The following NFATC3 variants were observed in gnomAD, a reference collection of about 807,000 sequenced individuals.
NFATC3 encodes the protein nuclear factor of activated T-cells, cytoplasmic 3.
In NFATC3, 46 loss-of-function variants were observed where a neutral mutation model predicts 98.6. The ratio of observed to expected loss-of-function variants is 0.47; its 90% CI spans 0.37 to 0.60. The LOEUF is 0.60. Ranked by LOEUF, NFATC3 falls within the 20% of genes least tolerant of loss-of-function variation. The pLI is 0.00. For missense variants in NFATC3, 1,256 were observed against 1,295.5 expected (o/e 0.97, Z 0.47); for synonymous variants, 512 against 472.2 (o/e 1.08, Z -1.09).
At position 68,123,121 on chromosome 16, in the gene NFATC3, G is replaced by A. The variant is rs1161855429; in HGVS notation, c.1238G>A (p.Arg413His). 4 of 1,590,468 alleles carry A rather than the reference G, an allele frequency of 2.5e-6. No individual in the cohort carries two copies. Among genetic ancestry groups the A allele is most frequent in the African/African-American group, 1.3e-5 (1 of 74,204 alleles). Residue 413 changes from arginine to histidine, a missense_variant and splice_region_variant, in exon 2 of 10, where the codon CGC becomes CAC. Coordinates refer to ENST00000346183, the MANE Select transcript of NFATC3 (RefSeq NM_173165.3). ...KPKPGHTPIF[R>H]TSSLPPLDWP... Reference sequence around the variant, plus strand: ...AAGCCTGGCCACACCCCTATATTTCGGTGAGTTGATGGAAATGGCTGCTGG... The same window carrying A: ...AAGCCTGGCCACACCCCTATATTTCAGTGAGTTGATGGAAATGGCTGCTGG...
chr16:68,114,538 G>C (rs1184208025), intron 1 of NFATC3, among the ~76,000 whole-genome samples: 1 of 151,000 alleles, frequency 6.6e-6, no homozygotes, highest in Non-Finnish European at 1.5e-5. Context: ...GCAGATGTTG[G>C]TAACATCTGG....
chr16:68,141,981 A>T (rs1470040461), intron 3 of NFATC3, among the ~76,000 whole-genome samples: 1 of 152,092 alleles, frequency 6.6e-6, no homozygotes, highest in African/African-American at 2.4e-5. Context: ...TGATTTTTAT[A>T]TGTGGTGAGA....
chr16:68,167,807 GTTCTTT>G (rs2039268900), intron 5 of NFATC3, among the ~76,000 whole-genome samples: 1 of 23,588 alleles, frequency 4.2e-5, no homozygotes, highest in Admixed American at 6.1e-4. Flanking sequence ...AACCGTATGT[GTTCTTT>G]TTTTTTTTTT....
intron 1 of NFATC3, among the ~76,000 whole-genome samples, chr16:68,110,293 C>T (rs2035874012): frequency 1.3e-5 from 2 of 151,610 alleles, no homozygotes; most frequent in South Asian, 4.2e-4. Flanking sequence ...GTGTGAGCCA[C>T]CGTGCCTGGC....
chr16:68,169,676 C>T (rs2039368947), intron 5 of NFATC3, among the ~76,000 whole-genome samples: 2 of 151,658 alleles, frequency 1.3e-5, no homozygotes, highest in African/African-American at 2.4e-5. Context: ...CGCCGTGGCT[C>T]ATAACTGTAA....
intron 9 of NFATC3, chr16:68,225,189 T>C (rs1289330496): frequency 1.3e-5 from 2 of 152,156 alleles, no homozygotes; most frequent in Admixed American, 1.3e-4. Flanking sequence ...CGACCTCAGG[T>C]GATCCGCCTG....
chr16:68,203,821 TG>T (rs2041028116), intron 9 of NFATC3, among the ~76,000 whole-genome samples: 1 of 151,822 alleles, frequency 6.6e-6, no homozygotes, highest in Non-Finnish European at 1.5e-5. Context: ...AAGACCGAGA[TG>T]GGAGGATCAT....
At chr16:68,147,062 T>C (rs2038074651) in intron 3 of NFATC3, among the ~76,000 whole-genome samples, 1 of 152,232 alleles carries the variant, frequency 6.6e-6, no homozygotes, top group Non-Finnish European at 1.5e-5. Context: ...GGTCAAAATA[T>C]GTGTTATGAA....
chr16:68,155,951 G>A (rs1329985043), intron 3 of NFATC3, among the ~76,000 whole-genome samples: 2 of 152,118 alleles, frequency 1.3e-5, no homozygotes, highest in East Asian at 3.8e-4. Context: ...ATTACCTTGA[G>A]GAAAAGGTGG....
intron 6 of NFATC3, among the ~76,000 whole-genome samples, chr16:68,179,109 A>C (rs1299571235): frequency 3.9e-5 from 6 of 152,090 alleles, no homozygotes; most frequent in Admixed American, 2.6e-4. Flanking sequence ...TCTTCTGTCT[A>C]TAATTACCCT....
intron 1 of NFATC3, among the ~76,000 whole-genome samples, chr16:68,089,837 T>G (rs546065066): frequency 6.6e-6 from 1 of 152,280 alleles, no homozygotes; most frequent in African/African-American, 2.4e-5. Flanking sequence ...CAGGGTTCAT[T>G]ACTAAATATT....
At chr16:68,124,884 A>AGTG (rs2036755483) in intron 2 of NFATC3, among the ~76,000 whole-genome samples, 1 of 151,304 alleles carries the variant, frequency 6.6e-6, no homozygotes, top group Non-Finnish European at 1.5e-5. Flanking sequence ...ACCTGCCACC[A>AGTG]CGCCTGGCTA....
chr16:68,115,013 C>T (rs984140882), intron 1 of NFATC3, among the ~76,000 whole-genome samples: 6 of 152,010 alleles, frequency 3.9e-5, no homozygotes, highest in Middle Eastern at 3.2e-3. Flanking sequence ...AACATATTTC[C>T]GTGGTTTCTC....
chr16:68,214,324 C>T (rs1422197346), intron 9 of NFATC3: 2 of 1,613,312 alleles, frequency 1.2e-6, no homozygotes, highest in South Asian at 1.1e-5. Flanking sequence ...TCTTCTTTGA[C>T]ACAGACCAAT....
chr16:68,135,527 AAATTTAAAATAGTCTTTAATG>A (rs2037355896), intron 3 of NFATC3, among the ~76,000 whole-genome samples: 1 of 151,640 alleles, frequency 6.6e-6, no homozygotes. Flanking sequence ...AATCTTTAAT[AAATTTAAAATAGTCTTTAATG>A]AATATTTAAT....
intron 4 of NFATC3, among the ~76,000 whole-genome samples, chr16:68,162,891 G>A (rs1028149931): frequency 1.3e-4 from 20 of 151,948 alleles, no homozygotes; most frequent in Non-Finnish European, 2.4e-4. Context: ...GGACCCTGCC[G>A]CCTTCCGCAG....
Position 68,183,377 on chromosome 16 carries a change from T to G in NFATC3, c.2098+11T>G. On this transcript the variant is annotated intron_variant, in intron 8 of 9. Transcript: ENST00000346183. ...TTACTTATACACCAGGTACGAGGAGTCATGATGGTTTACTATAGAGCTTTC... is the reference window on the plus strand; with the variant it reads ...TTACTTATACACCAGGTACGAGGAGGCATGATGGTTTACTATAGAGCTTTC... 1 of 1,609,832 alleles carries G rather than the reference T, an allele frequency of 6.2e-7. No homozygotes were observed. The highest frequency in any genetic ancestry group is 8.5e-7 in the Non-Finnish European group (1 of 1,179,726).
At chr16:68,141,117 A>G (rs2037729721) in intron 3 of NFATC3, among the ~76,000 whole-genome samples, 1 of 152,102 alleles carries the variant, frequency 6.6e-6, no homozygotes, top group African/African-American at 2.4e-5. Flanking sequence ...GTACCATCCA[A>G]GTTGCTGCAA....
intron 9 of NFATC3, chr16:68,221,330 G>T: frequency 6.2e-7 from 1 of 1,607,888 alleles, no homozygotes; most frequent in South Asian, 1.1e-5. Context: ...AGAAGTGAGG[G>T]AGAAGGAAAG....
Sources: allele counts gnomAD v4.1 joint callset (sites outside exome capture counted in the v4.1 genomes callset), GRCh38; gene constraint gnomAD v4.1.1; transcripts MANE v1.5; gene names NCBI Gene and HGNC (gene_info 2026-07-23, HGNC 2026-07-21).